The following SFT2D3 variants were observed in gnomAD, a reference collection of about 807,000 sequenced individuals.
SFT2D3 encodes the protein vesicle transport protein SFT2C.
For synonymous variants in SFT2D3, 239 were observed against 191.2 expected (o/e 1.25, Z -2.06); for missense variants, 405 against 334.6 (o/e 1.21, Z -1.64).
chr2:127,704,886 G>C lies in SFT2D3; in HGVS notation c.*2710G>C, dbSNP rs976025187. On this transcript the variant is annotated 3_prime_UTR_variant, in exon 1 of 1. Coordinates refer to ENST00000310981, the MANE Select transcript of SFT2D3 (RefSeq NM_032740.4). ...GTGGACCGCTTGAGCCCAGGAGTTT[G>C]AAACCAGCATAGACAAAGTGGTGAA... 1.8e-5 allele frequency: 3 copies of C among 163,950 alleles called. No individual in the cohort carries two copies. The highest frequency in any genetic ancestry group is 7.2e-5 in the African/African-American group (3 of 41,430). The allele number at this position is 163,950 out of a possible 1,614,324, so 10.2% of individuals were successfully genotyped here.
Position 127,701,697 on chromosome 2 carries a change from C to T in SFT2D3, c.169C>T (p.Pro57Ser). 1 of 1,320,008 alleles carries T rather than the reference C, an allele frequency of 7.6e-7. No individual in the cohort carries two copies. Among genetic ancestry groups the T allele is most frequent in the Non-Finnish European group, 9.6e-7 (1 of 1,040,148 alleles). The allele number at this position is 1,320,008 out of a possible 1,614,324, so 81.8% of individuals were successfully genotyped here. Reference protein sequence around the residue: ...AGLRWTWARSPAESAAAGLTC... With the variant: ...AGLRWTWARSSAESAAAGLTC... ...CTTGCGCTGGACGTGGGCGCGGAGC[C>T]CTGCGGAGTCGGCAGCGGCCGGCCT... Residue 57 changes from proline (P) to serine (S), a missense_variant, in exon 1 of 1, where the codon CCT becomes TCT. Physicochemically the swap from Pro to Ser is moderately conservative, Grantham distance 74. Coordinates refer to ENST00000310981, the MANE Select transcript of SFT2D3 (RefSeq NM_032740.4).
chr2:127,703,499 C>T lies in SFT2D3; in HGVS notation c.*1323C>T, dbSNP rs1685941709. ...TTTATGTTCCTAAGTAAGTCAGGTC[C>T]CTAAGCCCCGTCCCAAGAAGTGACA... is the stretch of plus-strand genomic sequence containing the variant. On this transcript the variant is annotated 3_prime_UTR_variant, in exon 1 of 1. Transcript: ENST00000310981. 6.0e-6 allele frequency: 1 copy of T among 167,068 alleles called. No homozygotes were observed. The highest frequency in any genetic ancestry group is 1.5e-5 in the Non-Finnish European group (1 of 68,162). The allele number at this position is 167,068 out of a possible 1,614,324, so 10.3% of individuals were successfully genotyped here.
In SFT2D3 at chr2:127,701,742, A is replaced by T; in HGVS notation, c.214A>T (p.Thr72Ser). 1 of 1,411,130 alleles carries T rather than the reference A, an allele frequency of 7.1e-7. No individual in the cohort carries two copies. Among genetic ancestry groups the T allele is most frequent in the Non-Finnish European group, 9.2e-7 (1 of 1,082,308 alleles). 87.4% of individuals were successfully genotyped at this position (1,411,130 alleles called of 1,614,324 possible). Residue 72 changes from threonine to serine, a missense_variant, in exon 1 of 1, where the codon ACG becomes TCG. Physicochemically the swap from Thr to Ser is moderately conservative, Grantham distance 58. Coordinates refer to ENST00000310981, the MANE Select transcript of SFT2D3 (RefSeq NM_032740.4). The stretch of plus-strand genomic sequence containing the variant: ...CGGCCTGACGTGCCTCCCGAGCGTG[A>T]CGCGCGGGCAGCGGCTGGCGGCGGG... ...AAGLTCLPSV[T>S]RGQRLAAGGG...
rs1558915156 is a variant in SFT2D3 at position 127,703,371 on chromosome 2, A to G, written c.*1195A>G. ...ACCACTTTTCTGTGCATTGGCTTGC[A>G]CAATTTGAAAGTAATGCTTTTCCTG... is the stretch of plus-strand genomic sequence containing the variant. On this transcript the variant is annotated 3_prime_UTR_variant, in exon 1 of 1. Transcript: ENST00000310981. 6.0e-6 allele frequency: 1 copy of G among 167,072 alleles called. No individual in the cohort carries two copies. The highest frequency in any genetic ancestry group is 2.4e-5 in the African/African-American group (1 of 41,452). The allele number at this position is 167,072 out of a possible 1,614,324, so 10.3% of individuals were successfully genotyped here.
chr2:127,702,333 C>A lies in SFT2D3; in HGVS notation c.*157C>A. 2 of 733,838 alleles carry A rather than the reference C, an allele frequency of 2.7e-6. No individual in the cohort carries two copies. The highest frequency in any genetic ancestry group is 3.7e-6 in the Non-Finnish European group (2 of 543,952). The allele number at this position is 733,838 out of a possible 1,614,324, so 45.5% of individuals were successfully genotyped here. ...CTAATCCGGGAGCGGCTGCTGCCAG[C>A]GGAGGCGACAGCAGCGTTGGGAGCT... is the stretch of plus-strand genomic sequence containing the variant. On this transcript the variant is annotated 3_prime_UTR_variant, in exon 1 of 1. Coordinates refer to ENST00000310981, the MANE Select transcript of SFT2D3 (RefSeq NM_032740.4).
rs1025882054 is a variant in SFT2D3, at chr2:127,704,514, G to C, written c.*2338G>C. On this transcript the variant is annotated 3_prime_UTR_variant, in exon 1 of 1. Coordinates refer to ENST00000310981, the MANE Select transcript of SFT2D3 (RefSeq NM_032740.4). Reference sequence around the variant, plus strand: ...GTTTCTCTCTCTTTAAGCTATACCAGTTGGGGGTGAGTGAAGAAATACCCA... The same window carrying C: ...GTTTCTCTCTCTTTAAGCTATACCACTTGGGGGTGAGTGAAGAAATACCCA... 3 of 167,076 alleles carry C rather than the reference G, an allele frequency of 1.8e-5. No individual in the cohort carries two copies. Among genetic ancestry groups the C allele is most frequent in the South Asian group, 4.1e-4 (2 of 4,826 alleles). The allele number at this position is 167,076 out of a possible 1,614,324, so 10.3% of individuals were successfully genotyped here. A position where few individuals can be genotyped will look rare whatever the true frequency, so the allele number is the denominator to read the frequency against.
rs923259431 is a variant in SFT2D3, at chr2:127,702,898, A to G, written c.*722A>G. ...AACGGTCTCTTCGGAAATCCTGCAA[A>G]TAGAAAGATAATTCTAGATCCGGAA... is the stretch of plus-strand genomic sequence containing the variant. On this transcript the variant is annotated 3_prime_UTR_variant, in exon 1 of 1. Coordinates refer to ENST00000310981, the MANE Select transcript of SFT2D3 (RefSeq NM_032740.4). 1.8e-5 allele frequency: 3 copies of G among 166,994 alleles called. No homozygotes were observed. The highest frequency in any genetic ancestry group is 4.8e-5 in the African/African-American group (2 of 41,466). 10.3% of individuals were successfully genotyped at this position (166,994 alleles called of 1,614,324 possible).
In SFT2D3 at chr2:127,701,498, GC is replaced by G; in HGVS notation, c.-30del. ...AGCGGAGGGCCGGAAGTGAGCCGCA[GC>G]TTTTCCTTTCTGCCACCGCCTTGTC... On this transcript the variant is annotated 5_prime_UTR_variant, in exon 1 of 1. Transcript: ENST00000310981. 7.8e-7 allele frequency: 1 copy of G among 1,278,214 alleles called. No homozygotes were observed. Among genetic ancestry groups the G allele is most frequent in the Non-Finnish European group, 9.9e-7 (1 of 1,009,460 alleles). 79.2% of individuals were successfully genotyped at this position (1,278,214 alleles called of 1,614,324 possible). A position where few individuals can be genotyped will look rare whatever the true frequency, so the allele number is the denominator to read the frequency against.
chr2:127,701,983 C>A lies in SFT2D3; in HGVS notation c.455C>A (p.Ala152Glu). 7.4e-7 allele frequency: 1 copy of A among 1,357,704 alleles called. No homozygotes were observed. The allele number at this position is 1,357,704 out of a possible 1,614,324, so 84.1% of individuals were successfully genotyped here. ...CGGCCCGCGCTGCTCTACATGGCAG[C>A]GCTGGGCGCCACGCTGTTCGCCGCG... ...PSRPALLYMA[A>E]LGATLFAALG... is the part of the protein sequence containing the mutation. Residue 152 changes from alanine (A) to glutamate (E), a missense_variant, in exon 1 of 1, where the codon GCG becomes GAG. By Grantham distance (107) the Ala-to-Glu change is moderately radical. Transcript: ENST00000310981.
rs963053964 is a variant in SFT2D3 at position 127,704,131 on chromosome 2, T to C, written c.*1955T>C. The C allele has an allele frequency of 3.0e-5, 5 of 166,466 alleles. No individual in the cohort carries two copies. Among genetic ancestry groups the C allele is most frequent in the Non-Finnish European group, 5.9e-5 (4 of 68,066 alleles). The allele number at this position is 166,466 out of a possible 1,614,324, so 10.3% of individuals were successfully genotyped here. On this transcript the variant is annotated 3_prime_UTR_variant, in exon 1 of 1. Transcript: ENST00000310981. ...AGCGAGACCTTGTCTCAAAAATTTT[T>C]TCTCAAATCAAACATCATTGAAAAT...
In SFT2D3 at chr2:127,702,133, G is replaced by C. The variant is rs1189915659; in HGVS notation, c.605G>C (p.Arg202Pro). The C allele has an allele frequency of 8.2e-7, 1 of 1,215,690 alleles. No individual in the cohort carries two copies. Among genetic ancestry groups the C allele is most frequent in the Admixed American group, 4.4e-5 (1 of 22,936 alleles). 75.3% of individuals were successfully genotyped at this position (1,215,690 alleles called of 1,614,324 possible). Residue 202 changes from arginine to proline, a missense_variant, in exon 1 of 1, where the codon CGC becomes CCC. Physicochemically the swap from Arg to Pro is moderately radical, Grantham distance 103. Coordinates refer to ENST00000310981, the MANE Select transcript of SFT2D3 (RefSeq NM_032740.4). ...GGTALRLALG[R>P]LGRGAGLAKV... is the part of the protein sequence containing the mutation. ...ACCGCGCTGCGCCTCGCACTGGGTC[G>C]CCTGGGCCGCGGCGCCGGCCTCGCC...
rs906567270 is a variant in SFT2D3, at chr2:127,701,732, C to T, written c.204C>T (p.Leu68=). ...CGGCAGCGGCCGGCCTGACGTGCCT[C>T]CCGAGCGTGACGCGCGGGCAGCGGC... ...AESAAAGLTC[L]PSVTRGQRLA... The change falls in exon 1 of 1, where the codon CTC becomes CTT. Residue 68 remains leucine (L), a synonymous_variant. Coordinates refer to ENST00000310981, the MANE Select transcript of SFT2D3 (RefSeq NM_032740.4). The T allele has an allele frequency of 2.1e-6, 3 of 1,401,654 alleles. No individual in the cohort carries two copies. The highest frequency in any genetic ancestry group is 1.5e-5 in the African/African-American group (1 of 66,448). The allele number at this position is 1,401,654 out of a possible 1,614,324, so 86.8% of individuals were successfully genotyped here.
Position 127,701,839 on chromosome 2 carries a change from G to T in SFT2D3, c.311G>T (p.Arg104Leu). The T allele has an allele frequency of 6.9e-7, 1 of 1,458,722 alleles. No individual in the cohort carries two copies. Among genetic ancestry groups the T allele is most frequent in the Non-Finnish European group, 9.0e-7 (1 of 1,109,814 alleles). 90.4% of individuals were successfully genotyped at this position (1,458,722 alleles called of 1,614,324 possible). Residue 104 changes from arginine to leucine, a missense_variant, in exon 1 of 1, where the codon CGC becomes CTC. Coordinates refer to ENST00000310981, the MANE Select transcript of SFT2D3 (RefSeq NM_032740.4). ...CTCTACGCACCGGTGTTGCTGCTGCGCGCGCGCAAGTTCGCGCTGCTCTGG... is the reference window on the plus strand; with the variant it reads ...CTCTACGCACCGGTGTTGCTGCTGCTCGCGCGCAAGTTCGCGCTGCTCTGG... ...AALYAPVLLL[R>L]ARKFALLWSL...
In SFT2D3 at chr2:127,703,414, G is replaced by GC. The variant is rs1685939836; in HGVS notation, c.*1240dup. The stretch of plus-strand genomic sequence containing the variant: ...TTTTCCTGAGCTGGATCCCAGTGTT[G>GC]CCTTAACAGGGTGTCTGTCGTGCCG... On this transcript the variant is annotated 3_prime_UTR_variant, in exon 1 of 1. Coordinates refer to ENST00000310981, the MANE Select transcript of SFT2D3 (RefSeq NM_032740.4). The GC allele has an allele frequency of 6.0e-6, 1 of 167,052 alleles. No homozygotes were observed. The highest frequency in any genetic ancestry group is 2.4e-5 in the African/African-American group (1 of 41,442). 10.3% of individuals were successfully genotyped at this position (167,052 alleles called of 1,614,324 possible).
rs1205829320 is a variant in SFT2D3 at position 127,703,063 on chromosome 2, G to A, written c.*887G>A. The A allele has an allele frequency of 9.0e-5, 15 of 166,952 alleles. No individual in the cohort carries two copies. The Admixed American group carries it at 9.2e-4, about 10-fold the overall frequency. The allele number at this position is 166,952 out of a possible 1,614,324, so 10.3% of individuals were successfully genotyped here. A position where few individuals can be genotyped will look rare whatever the true frequency, so the allele number is the denominator to read the frequency against. On this transcript the variant is annotated 3_prime_UTR_variant, in exon 1 of 1. Transcript: ENST00000310981. Reference sequence around the variant, plus strand: ...TCTAATTGCTGCTGCCTTCATTTTAGGTTCAGCAGTTACTTTTAACTACCT... The same window carrying A: ...TCTAATTGCTGCTGCCTTCATTTTAAGTTCAGCAGTTACTTTTAACTACCT...
chr2:127,702,343 A>G lies in SFT2D3; in HGVS notation c.*167A>G. 1 of 631,008 alleles carries G rather than the reference A, an allele frequency of 1.6e-6. No homozygotes were observed. The highest frequency in any genetic ancestry group is 2.2e-6 in the Non-Finnish European group (1 of 449,064). The allele number at this position is 631,008 out of a possible 1,614,324, so 39.1% of individuals were successfully genotyped here. A position where few individuals can be genotyped will look rare whatever the true frequency, so the allele number is the denominator to read the frequency against. On this transcript the variant is annotated 3_prime_UTR_variant, in exon 1 of 1. Coordinates refer to ENST00000310981, the MANE Select transcript of SFT2D3 (RefSeq NM_032740.4). ...AGCGGCTGCTGCCAGCGGAGGCGACAGCAGCGTTGGGAGCTCCTCGATGTC... is the reference window on the plus strand; with the variant it reads ...AGCGGCTGCTGCCAGCGGAGGCGACGGCAGCGTTGGGAGCTCCTCGATGTC...
In SFT2D3 at chr2:127,702,757, G is replaced by A; in HGVS notation, c.*581G>A. 6.0e-6 allele frequency: 1 copy of A among 167,150 alleles called. No individual in the cohort carries two copies. 10.4% of individuals were successfully genotyped at this position (167,150 alleles called of 1,614,324 possible). A position where few individuals can be genotyped will look rare whatever the true frequency, so the allele number is the denominator to read the frequency against. On this transcript the variant is annotated 3_prime_UTR_variant, in exon 1 of 1. Coordinates refer to ENST00000310981, the MANE Select transcript of SFT2D3 (RefSeq NM_032740.4). ...CTTCAGTTAACAAAATCATAAATATGGTGCCTTATAACATGAAAGGAAAAT... is the reference window on the plus strand; with the variant it reads ...CTTCAGTTAACAAAATCATAAATATAGTGCCTTATAACATGAAAGGAAAAT...
In SFT2D3 at chr2:127,701,794, T is replaced by C. The variant is rs965767466; in HGVS notation, c.266T>C (p.Leu89Pro). The change falls in exon 1 of 1, where the codon CTG becomes CCG. Residue 89 changes from leucine to proline, a missense_variant. By Grantham distance (98) the Leu-to-Pro change is moderately conservative. Coordinates refer to ENST00000310981, the MANE Select transcript of SFT2D3 (RefSeq NM_032740.4). ...AGGGCLLLAA[L>P]CFGLAALYAP... is the part of the protein sequence containing the mutation. Reference sequence around the variant, plus strand: ...GGCGGGTGCCTGCTGCTGGCTGCACTGTGTTTCGGCCTAGCCGCGCTCTAC... The same window carrying C: ...GGCGGGTGCCTGCTGCTGGCTGCACCGTGTTTCGGCCTAGCCGCGCTCTAC... The C allele has an allele frequency of 6.1e-5, 89 of 1,451,094 alleles. No individual in the cohort carries two copies. Among genetic ancestry groups the C allele is most frequent in the Non-Finnish European group, 7.4e-5 (82 of 1,105,256 alleles). 89.9% of individuals were successfully genotyped at this position (1,451,094 alleles called of 1,614,324 possible). A position where few individuals can be genotyped will look rare whatever the true frequency, so the allele number is the denominator to read the frequency against.
In SFT2D3 at chr2:127,702,098, G is replaced by C; in HGVS notation, c.570G>C (p.Trp190Cys). The C allele has an allele frequency of 1.1e-5, 13 of 1,217,226 alleles. No homozygotes were observed. Among genetic ancestry groups the C allele is most frequent in the Non-Finnish European group, 1.3e-5 (13 of 981,080 alleles). 75.4% of individuals were successfully genotyped at this position (1,217,226 alleles called of 1,614,324 possible). ...LLAALVGLLP[W>C]GGGTALRLAL... ...CCGCGCTGGTTGGGCTGCTGCCCTG[G>C]GGCGGCGGCACCGCGCTGCGCCTCG... Residue 190 changes from tryptophan (W) to cysteine (C), a missense_variant, in exon 1 of 1, where the codon TGG becomes TGC. By Grantham distance (215) the Trp-to-Cys change is radical (BLOSUM62 -2). Coordinates refer to ENST00000310981, the MANE Select transcript of SFT2D3 (RefSeq NM_032740.4).
Sources: allele counts gnomAD v4.1 joint callset, GRCh38; gene constraint gnomAD v4.1.1; transcripts MANE v1.5; gene names NCBI Gene and HGNC (gene_info 2026-07-23, HGNC 2026-07-21).